ITK: variants seen among roughly 807,000 people sequenced by gnomAD.
ITK encodes IL2 inducible T cell kinase.
A neutral mutation model predicts 87.6 loss-of-function variants in ITK; 45 were observed. That is an observed-to-expected ratio of 0.51 (90% confidence interval 0.40 to 0.66). ITK has a LOEUF of 0.66. Ranked by LOEUF, ITK falls within the 30% of genes least tolerant of loss-of-function variation. The pLI is 0.00. For synonymous variants in ITK, 303 were observed against 273.6 expected, an observed-to-expected ratio of 1.11 and a Z score of -1.06; for missense variants, 605 against 766.3, an observed-to-expected ratio of 0.79 and a Z score of 2.48.
At position 157,222,946 on chromosome 5, in the gene ITK, G is replaced by A. The variant is rs780625217; in HGVS notation, c.579G>A (p.Arg193=). Reference sequence around the variant, plus strand: ...ATGATCCTCAGGAACTCGCACTGCGGCGCAACGAAGAGTACTGCCTGCTGG... The same window carrying A: ...ATGATCCTCAGGAACTCGCACTGCGACGCAACGAAGAGTACTGCCTGCTGG... ...QTNDPQELAL[R]RNEEYCLLDS... The change falls in exon 6 of 17, where the codon CGG becomes CGA. Residue 193 remains arginine (R), a synonymous_variant. Coordinates refer to ENST00000422843, the MANE Select transcript of ITK (RefSeq NM_005546.4). The A allele has an allele frequency of 3.1e-6, 5 of 1,614,118 alleles. No individual in the cohort carries two copies. The South Asian group carries it at 3.3e-5, about 11-fold the overall frequency.
chr5:157,199,711 C>G (rs910721457), intron 1 of ITK: 1 of 152,182 alleles, frequency 6.6e-6, no homozygotes, highest in Non-Finnish European at 1.5e-5. Context: ...TCAATTTTCT[C>G]ATCTATAAAA....
intron 16 of ITK, among the ~76,000 whole-genome samples, chr5:157,252,133 C>T (rs2113779369): frequency 6.6e-6 from 1 of 152,176 alleles, no homozygotes; most frequent in South Asian, 2.1e-4. Context: ...GAATATCTGT[C>T]CATTTATTTA....
At chr5:157,201,970 A>G (rs1753985226) in intron 1 of ITK, among the ~76,000 whole-genome samples, 1 of 152,098 alleles carries the variant, frequency 6.6e-6, no homozygotes, top group African/African-American at 2.4e-5. Flanking sequence ...CAGTAGGTAG[A>G]TTTTCAATTC....
At chr5:157,204,438 G>A (rs998182256) in intron 1 of ITK, among the ~76,000 whole-genome samples, 6 of 152,166 alleles carry the variant, frequency 3.9e-5, no homozygotes, top group Admixed American at 2.0e-4. Flanking sequence ...AGTGACTCAC[G>A]CCTATAATCC....
At chr5:157,187,152 G>A (rs116256473) in intron 1 of ITK, among the ~76,000 whole-genome samples, 3,030 of 152,312 alleles carry the variant, frequency 0.02, 123 homozygotes, top group African/African-American at 0.07. Context: ...ATGTCCTCCT[G>A]TCCTGTTCTA....
chr5:157,253,834 C>G lies in ITK; in HGVS notation c.*1156C>G, dbSNP rs1042142639. The G allele has an allele frequency of 9.0e-6, 2 of 222,246 alleles. No individual in the cohort carries two copies. Among genetic ancestry groups the G allele is most frequent in the East Asian group, 6.6e-5 (1 of 15,228 alleles). The allele number at this position is 222,246 out of a possible 1,614,324, so 13.8% of individuals were successfully genotyped here. A position where few individuals can be genotyped will look rare whatever the true frequency, so the allele number is the denominator to read the frequency against. On this transcript the variant is annotated 3_prime_UTR_variant, in exon 17 of 17. Coordinates refer to ENST00000422843, the MANE Select transcript of ITK (RefSeq NM_005546.4). ...CAGTCAGGCACTGACTGGGGTGCTTCCAAGAGGCATGAGAGTGCCTACTCT... is the reference window on the plus strand; with the variant it reads ...CAGTCAGGCACTGACTGGGGTGCTTGCAAGAGGCATGAGAGTGCCTACTCT...
At chr5:157,224,434 A>T (rs188794093) in intron 6 of ITK, 4 of 152,298 alleles carry the variant, frequency 2.6e-5, no homozygotes, top group Admixed American at 2.0e-4. Context: ...ATTAATACAC[A>T]TTGAAGATCT....
At chr5:157,234,085 A>G (rs1580901432) in intron 8 of ITK, among the ~76,000 whole-genome samples, 1 of 141,256 alleles carries the variant, frequency 7.1e-6, no homozygotes, top group East Asian at 2.3e-4. Context: ...GGTTCGAGTG[A>G]TTCTCCTGCC....
chr5:157,210,748 T>C (rs943470842), intron 2 of ITK, among the ~76,000 whole-genome samples: 15 of 129,810 alleles, frequency 1.2e-4, no homozygotes, highest in Admixed American at 2.8e-4. Context: ...CCTGTGTCCA[T>C]GTGATCTCAT....
intron 3 of ITK, 85 bp downstream of exon 3, chr5:157,211,453 T>C: frequency 9.0e-7 from 1 of 1,108,848 alleles, no homozygotes; most frequent in Non-Finnish European, 1.4e-6. Flanking sequence ...GAGTGTGGTG[T>C]GAGAGCAGCT....
At chr5:157,215,931 G>A (rs1754289209) in intron 4 of ITK, among the ~76,000 whole-genome samples, 1 of 152,178 alleles carries the variant, frequency 6.6e-6, no homozygotes, top group Non-Finnish European at 1.5e-5. Flanking sequence ...GAGGTGCTAG[G>A]GACATCTGAA....
At position 157,205,583 on chromosome 5, in the gene ITK, T is replaced by G. The variant is rs116497042; in HGVS notation, c.139-3306T>G. ...TGTGCAATAAAATAGGCAATAATAA[T>G]ATACATATTTTTGCAAACATAAACA... On this transcript the variant is annotated intron_variant, in intron 1 of 16. Coordinates refer to ENST00000422843, the MANE Select transcript of ITK (RefSeq NM_005546.4). 9.0e-3 allele frequency among the ~76,000 whole-genome samples: 1,363 copies of G among 152,272 alleles called. 11 individuals are homozygous for G. Among genetic ancestry groups the G allele is most frequent in the Non-Finnish European group, 0.015 (989 of 68,014 alleles).
intron 5 of ITK, among the ~76,000 whole-genome samples, chr5:157,220,517 GC>G (rs1448491379): frequency 2.0e-5 from 3 of 152,158 alleles, no homozygotes; most frequent in Non-Finnish European, 4.4e-5. Flanking sequence ...GGGCCCCTCA[GC>G]CCCGTGGAGC....
chr5:157,243,797 G>A lies in ITK; in HGVS notation c.1232+3G>A. The A allele has an allele frequency of 6.2e-7, 1 of 1,613,648 alleles. No individual in the cohort carries two copies. The highest frequency in any genetic ancestry group is 8.5e-7 in the Non-Finnish European group (1 of 1,179,560). On this transcript the variant is annotated splice_donor_region_variant and intron_variant, in intron 12 of 16. Transcript: ENST00000422843. ...ATAGAGGAGGCTGAAGTAATGATGT[G>A]AGTGCTCAGAACAAGGATATGCAGA...
intron 15 of ITK, among the ~76,000 whole-genome samples, chr5:157,247,229 G>A (rs1755037183): frequency 6.6e-6 from 1 of 152,180 alleles, no homozygotes; most frequent in Non-Finnish European, 1.5e-5. Context: ...GAGCCAAGTG[G>A]TTTGTTCATT....
At chr5:157,224,955 A>T (rs1754502052) in intron 6 of ITK, among the ~76,000 whole-genome samples, 1 of 151,700 alleles carries the variant, frequency 6.6e-6, no homozygotes, top group Non-Finnish European at 1.5e-5. Flanking sequence ...CATCTTTGGA[A>T]TACAAACATA....
At chr5:157,181,453 C>T (rs1361077941) in intron 1 of ITK, among the ~76,000 whole-genome samples, 1 of 152,110 alleles carries the variant, frequency 6.6e-6, no homozygotes, top group Non-Finnish European at 1.5e-5. Flanking sequence ...ATGAAACATA[C>T]TAAATTTAAT....
chr5:157,219,199 G>A (rs1415134928), intron 5 of ITK, among the ~76,000 whole-genome samples: 2 of 147,166 alleles, frequency 1.4e-5, no homozygotes, highest in African/African-American at 2.5e-5. Flanking sequence ...TGCAACCTCC[G>A]CCTCCCAGGT....
intron 1 of ITK, among the ~76,000 whole-genome samples, chr5:157,208,252 C>A (rs1388447214): frequency 1.3e-5 from 2 of 152,118 alleles, no homozygotes; most frequent in Non-Finnish European, 2.9e-5. Context: ...ATCACAAATA[C>A]CATCATGTGA....
Sources: allele counts gnomAD v4.1 joint callset (sites outside exome capture counted in the v4.1 genomes callset), GRCh38; gene constraint gnomAD v4.1.1; transcripts MANE v1.5; gene names NCBI Gene and HGNC (gene_info 2026-07-23, HGNC 2026-07-21).